COL25A1: variants seen among roughly 807,000 people sequenced by gnomAD.
COL25A1 encodes the protein collagen alpha-1(XXV) chain.
COL25A1 carries 103 observed loss-of-function variants against 128.4 expected under a neutral mutation model. The observed-to-expected ratio is 0.80, with a 90% confidence interval of 0.68 to 0.94. The LOEUF (loss-of-function observed/expected upper bound fraction) is 0.94, where lower values mean the gene tolerates loss of function less well. Ranked by LOEUF, COL25A1 falls within the 40% of genes least tolerant of loss-of-function variation. The pLI is 0.00. For synonymous variants in COL25A1, 279 were observed against 277.2 expected, an observed-to-expected ratio of 1.01 and a Z score of -0.06; for missense variants, 745 against 840.0, an observed-to-expected ratio of 0.89 and a Z score of 1.40.
intron 5 of COL25A1, among the ~76,000 whole-genome samples, chr4:109,034,128 T>A (rs1341320938): frequency 6.6e-6 from 1 of 152,174 alleles, no homozygotes; most frequent in Non-Finnish European, 1.5e-5. Flanking sequence ...AATGTAGTAG[T>A]ATTGAAACCT....
At chr4:109,250,069 T>C (rs1780545810) in intron 3 of COL25A1, among the ~76,000 whole-genome samples, 1 of 152,108 alleles carries the variant, frequency 6.6e-6, no homozygotes, top group Admixed American at 6.6e-5. Flanking sequence ...GAAAGAGTAA[T>C]AGCTTAAGAG....
chr4:108,854,565 A>G (rs1180651559), intron 24 of COL25A1, among the ~76,000 whole-genome samples: 1 of 152,198 alleles, frequency 6.6e-6, no homozygotes, highest in African/African-American at 2.4e-5. Context: ...ATGAACAGAC[A>G]TTTTTCAAAA....
At chr4:109,211,274 CTATATATATATGAAACTATATATATA>C (rs1443683028) in intron 3 of COL25A1, among the ~76,000 whole-genome samples, 4 of 15,970 alleles carry the variant, frequency 2.5e-4, no homozygotes, top group South Asian at 1.1e-3. Context: ...ATATATGAAA[CTATATATATATGAAACTATATATATA>C]TATATATATA....
chr4:108,817,434 C>T lies in COL25A1; in HGVS notation c.1925G>A (p.Gly642Glu). Residue 642 changes from glycine (G) to glutamate (E), a missense_variant and splice_region_variant, in exon 37 of 38, where the codon GGG becomes GAG. This residue lies in a region of COL25A1 where 387 missense variants were observed against 441.9 expected (regional missense o/e 0.88). Transcript: ENST00000399132. ...GCCAGGCATGGGTAAGCCATCTGGC[C>T]CCTGTTTTAAAGAGAAGAAAAAGAA... ...LDGLDAPCQL[G>E]PDGLPMPGCW... 1.9e-6 allele frequency: 3 copies of T among 1,612,694 alleles called. No individual in the cohort carries two copies. Among genetic ancestry groups the T allele is most frequent in the Non-Finnish European group, 2.5e-6 (3 of 1,179,092 alleles).
chr4:109,059,664 T>C (rs1259660658), intron 3 of COL25A1, among the ~76,000 whole-genome samples: 2 of 152,218 alleles, frequency 1.3e-5, no homozygotes, highest in Admixed American at 6.5e-5. Context: ...TAAGGGGATG[T>C]GATTAACACA....
At chr4:108,847,976 A>C (rs1305372419) in intron 27 of COL25A1, among the ~76,000 whole-genome samples, 1 of 152,168 alleles carries the variant, frequency 6.6e-6, no homozygotes, top group Non-Finnish European at 1.5e-5. Context: ...AAAGATCTTG[A>C]AATTAACCCT....
chr4:109,154,061 T>C (rs557118537), intron 3 of COL25A1, among the ~76,000 whole-genome samples: 2 of 152,304 alleles, frequency 1.3e-5, no homozygotes, highest in East Asian at 1.9e-4. Flanking sequence ...AAATAATCTA[T>C]TTGCAAACTA....
At chr4:109,019,369 C>CATATATATATATATATATATATAT (rs1320479600) in intron 5 of COL25A1, among the ~76,000 whole-genome samples, 6 of 9,228 alleles carry the variant, frequency 6.5e-4, no homozygotes, top group Non-Finnish European at 1.1e-3. Flanking sequence ...CACACACACA[C>CATATATATATATATATATATATAT]ACACACATAT....
At chr4:109,181,067 T>G (rs1774584605) in intron 3 of COL25A1, among the ~76,000 whole-genome samples, 1 of 152,178 alleles carries the variant, frequency 6.6e-6, no homozygotes, top group Admixed American at 6.6e-5. Flanking sequence ...AGGAAGCACT[T>G]TCTCACTGAG....
chr4:108,963,799 A>AAT (rs1750997107), intron 8 of COL25A1, among the ~76,000 whole-genome samples: 1 of 151,742 alleles, frequency 6.6e-6, no homozygotes. Flanking sequence ...AATAATATTA[A>AAT]ATATATACAT....
At chr4:108,947,935 G>A (rs1372511528) in intron 8 of COL25A1, among the ~76,000 whole-genome samples, 3 of 152,132 alleles carry the variant, frequency 2.0e-5, no homozygotes, top group Non-Finnish European at 2.9e-5. Flanking sequence ...ATTATGCTGA[G>A]AAATGAAATC....
chr4:108,960,673 A>C (rs1390579851), intron 8 of COL25A1, among the ~76,000 whole-genome samples: 1 of 152,186 alleles, frequency 6.6e-6, no homozygotes, highest in Admixed American at 6.5e-5. Context: ...TTCTAGAACC[A>C]TCTTCTTCAA....
intron 5 of COL25A1, 87 bp downstream of exon 5, chr4:109,048,081 G>C (rs1760615983): frequency 1.4e-6 from 2 of 1,390,976 alleles, no homozygotes; most frequent in Non-Finnish European, 2.0e-6. Context: ...AATAGACATA[G>C]AGACTATATT....
chr4:108,938,015 T>C (rs1381252244), intron 10 of COL25A1, among the ~76,000 whole-genome samples, 172 bp from the exon 11 acceptor site: 6 of 152,214 alleles, frequency 3.9e-5, no homozygotes, highest in Admixed American at 3.9e-4. Flanking sequence ...ACAAATAAAC[T>C]TTACAAATTT....
At chr4:109,135,953 C>T (rs963115172) in intron 3 of COL25A1, among the ~76,000 whole-genome samples, 2 of 152,190 alleles carry the variant, frequency 1.3e-5, no homozygotes, top group African/African-American at 4.8e-5. Flanking sequence ...ATGTAATCAA[C>T]AAGCACATAG....
chr4:109,146,587 C>T (rs1034939399), intron 3 of COL25A1, among the ~76,000 whole-genome samples: 4 of 152,176 alleles, frequency 2.6e-5, no homozygotes, highest in Non-Finnish European at 5.9e-5. Context: ...CTGCTCTTTT[C>T]TCTTTATTCT....
intron 6 of COL25A1, among the ~76,000 whole-genome samples, chr4:108,975,830 C>A (rs1360581982): frequency 2.6e-5 from 4 of 151,888 alleles, no homozygotes; most frequent in African/African-American, 9.7e-5. Context: ...CTCTTCATAC[C>A]TTTTGTCCTT....
intron 3 of COL25A1, among the ~76,000 whole-genome samples, chr4:109,084,081 T>C (rs1207639763): frequency 6.6e-6 from 1 of 152,228 alleles, no homozygotes; most frequent in African/African-American, 2.4e-5. Flanking sequence ...CTGAGGACCT[T>C]GTCCTGAAGC....
intron 6 of COL25A1, among the ~76,000 whole-genome samples, chr4:109,000,671 C>T (rs1294396822): frequency 2.2e-5 from 3 of 134,988 alleles, no homozygotes; most frequent in African/African-American, 2.6e-5. Context: ...ATTTTAACCC[C>T]GGAGGCAAAG....
Sources: gnomAD v4.1 joint callset for allele counts (sites outside exome capture counted in the v4.1 genomes callset) on GRCh38, gnomAD v4.1.1 for gene constraint, gnomAD v4.1.1 regional missense constraint, MANE v1.5 for transcripts, NCBI Gene and HGNC (gene_info 2026-07-23, HGNC 2026-07-21) for gene names.